NAALADL2: variants seen among roughly 807,000 people sequenced by gnomAD.
The protein encoded by NAALADL2 is inactive N-acetylated-alpha-linked acidic dipeptidase-like protein 2.
NAALADL2 carries 76 observed loss-of-function variants against 87.2 expected under a neutral mutation model. The ratio of observed to expected loss-of-function variants is 0.87; its 90% CI spans 0.72 to 1.05. NAALADL2 has a LOEUF of 1.05. Among genes scored for constraint, NAALADL2 ranks in the 50% least tolerant of loss-of-function variants. The probability of loss-of-function intolerance (pLI) is 0.00; values close to 1 mark genes in which losing one functional copy is unlikely to be tolerated. For missense variants in NAALADL2, 1,089 were observed against 945.8 expected (o/e 1.15, Z -1.99); for synonymous variants, 354 against 331.0 (o/e 1.07, Z -0.75).
At chr3:175,258,754 G>T (rs986122310) in intron 4 of NAALADL2, among the ~76,000 whole-genome samples, 1 of 152,094 alleles carries the variant, frequency 6.6e-6, no homozygotes, top group Admixed American at 6.5e-5. Flanking sequence ...CCTGCAATGT[G>T]GGGGACGTGA....
chr3:175,629,488 T>G lies in NAALADL2; in HGVS notation c.1896+2102T>G, dbSNP rs376747198. 3.3e-5 allele frequency among the ~76,000 whole-genome samples: 5 copies of G among 151,590 alleles called. No individual in the cohort carries two copies. In the East Asian group the frequency reaches 7.7e-4, roughly 23 times the overall value. Reference sequence around the variant, plus strand: ...TTTTAAGCAAAACATTAGAGAATTTTAGGGCAATGAAATAGTAATATTTTC... The same window carrying G: ...TTTTAAGCAAAACATTAGAGAATTTGAGGGCAATGAAATAGTAATATTTTC... On this transcript the variant is annotated intron_variant, in intron 11 of 13. Transcript: ENST00000454872.
intron 11 of NAALADL2, among the ~76,000 whole-genome samples, chr3:175,641,055 C>T (rs1296691411): frequency 1.3e-5 from 2 of 152,176 alleles, no homozygotes; most frequent in African/African-American, 4.8e-5. Context: ...TTCTGTACTT[C>T]ATTGCTCAAA....
intron 1 of NAALADL2, among the ~76,000 whole-genome samples, chr3:174,872,407 T>C (rs1727944099): frequency 6.6e-6 from 1 of 152,182 alleles, no homozygotes; most frequent in South Asian, 2.1e-4. Flanking sequence ...GGATTCAAAC[T>C]GTCTGACTCA....
At chr3:175,395,363 C>T (rs1256906302) in intron 5 of NAALADL2, among the ~76,000 whole-genome samples, 2 of 152,160 alleles carry the variant, frequency 1.3e-5, no homozygotes, top group Non-Finnish European at 2.9e-5. Context: ...GAAAACTAAA[C>T]TATGGATAAG....
chr3:175,419,768 G>T (rs9856531), intron 5 of NAALADL2, among the ~76,000 whole-genome samples: 83,378 of 151,674 alleles, frequency 0.55, 24,058 homozygotes, highest in East Asian at 0.66. Context: ...AGTGAGAAGA[G>T]TGTTATATTG....
At chr3:175,327,276 C>A (rs988062718) in intron 5 of NAALADL2, among the ~76,000 whole-genome samples, 2 of 151,540 alleles carry the variant, frequency 1.3e-5, no homozygotes, top group South Asian at 4.2e-4. Context: ...CTGCCTCAGC[C>A]TCCCGAGTAG....
At chr3:175,466,916 T>G (rs1322505296) in intron 7 of NAALADL2, 63 bp from the exon 8 acceptor site, 1 of 1,294,494 alleles carries the variant, frequency 7.7e-7, no homozygotes, top group African/African-American at 1.5e-5. Flanking sequence ...TATGTAAATG[T>G]CATTAAATTT....
At chr3:175,793,401 C>T (rs962727236) in intron 13 of NAALADL2, among the ~76,000 whole-genome samples, 1 of 151,504 alleles carries the variant, frequency 6.6e-6, no homozygotes, top group Non-Finnish European at 1.5e-5. Context: ...GCTCGGCCAC[C>T]CGTGTTCACG....
intron 2 of NAALADL2, among the ~76,000 whole-genome samples, chr3:174,613,827 A>G (rs965929663): frequency 3.3e-4 from 50 of 152,182 alleles, no homozygotes; most frequent in African/African-American, 1.1e-3. Context: ...TTACTTACCC[A>G]AGACCCACAT....
chr3:174,583,025 T>C (rs1314913570), intron 2 of NAALADL2, among the ~76,000 whole-genome samples: 1 of 152,242 alleles, frequency 6.6e-6, no homozygotes, highest in Non-Finnish European at 1.5e-5. Context: ...ACGTCCATTA[T>C]AGTTGTACTG....
chr3:174,633,290 A>G (rs1174755715), intron 2 of NAALADL2, among the ~76,000 whole-genome samples: 1 of 152,214 alleles, frequency 6.6e-6, no homozygotes, highest in Non-Finnish European at 1.5e-5. Context: ...AAATTGAATC[A>G]AAACTATTCT....
chr3:174,701,015 G>A (rs1729499390), intron 2 of NAALADL2, among the ~76,000 whole-genome samples: 1 of 152,074 alleles, frequency 6.6e-6, no homozygotes, highest in Admixed American at 6.6e-5. Context: ...AGACATTAAA[G>A]AAACAGTCAT....
intron 5 of NAALADL2, among the ~76,000 whole-genome samples, chr3:175,348,077 A>G (rs922825236): frequency 6.6e-5 from 10 of 152,004 alleles, no homozygotes; most frequent in Admixed American, 5.2e-4. Flanking sequence ...TTGAGACGGA[A>G]TTTTGCTCTT....
intron 1 of NAALADL2, among the ~76,000 whole-genome samples, chr3:174,509,635 C>G (rs1441752703): frequency 8.3e-6 from 1 of 121,148 alleles, no homozygotes; most frequent in Non-Finnish European, 1.6e-5. Flanking sequence ...ACCATGTTGG[C>G]TAGGATGGTC....
Position 175,519,952 on chromosome 3 carries a change from A to G in NAALADL2, c.1653+48194A>G, listed in dbSNP as rs1732395874. On this transcript the variant is annotated intron_variant, in intron 9 of 13. Transcript: ENST00000454872. The stretch of plus-strand genomic sequence containing the variant: ...TTTTTATACTTTTTAGTGATTCTGT[A>G]GAGGCTTAGTGTTAGAATCTTAGAC... Among the ~76,000 whole-genome samples, 7 of 152,208 alleles carry G rather than the reference A, an allele frequency of 4.6e-5. No individual in the cohort carries two copies. In the South Asian group the frequency reaches 1.4e-3, roughly 32 times the overall value.
intron 11 of NAALADL2, among the ~76,000 whole-genome samples, chr3:175,704,549 G>T (rs1156461846): frequency 6.6e-6 from 1 of 151,906 alleles, no homozygotes; most frequent in Non-Finnish European, 1.5e-5. Flanking sequence ...TTTTCTCTTT[G>T]CCCTCTGAAT....
intron 2 of NAALADL2, among the ~76,000 whole-genome samples, chr3:174,651,289 T>C (rs1724333061): frequency 6.6e-6 from 1 of 152,226 alleles, no homozygotes; most frequent in Admixed American, 6.5e-5. Context: ...TCATCTAGGC[T>C]ATTGGCTTTT....
At chr3:175,111,605 T>C (rs1401481703) in intron 2 of NAALADL2, among the ~76,000 whole-genome samples, 1 of 151,688 alleles carries the variant, frequency 6.6e-6, no homozygotes, top group African/African-American at 2.4e-5. Context: ...AAAATGGTTT[T>C]CATTTGCTCC....
intron 2 of NAALADL2, among the ~76,000 whole-genome samples, chr3:174,597,271 G>A (rs476586): frequency 0.68 from 103,660 of 151,996 alleles, 36,946 homozygotes; most frequent in Non-Finnish European, 0.8. Context: ...AGGGAAGCTC[G>A]TTAGAGATTT....
Sources: allele counts gnomAD v4.1 joint callset (sites outside exome capture counted in the v4.1 genomes callset), GRCh38; gene constraint gnomAD v4.1.1; transcripts MANE v1.5; gene names NCBI Gene and HGNC (gene_info 2026-07-23, HGNC 2026-07-21).